NWD2: variants seen among roughly 807,000 people sequenced by gnomAD.
NWD2 encodes the protein NACHT and WD repeat domain-containing protein 2.
A neutral mutation model predicts 132.7 loss-of-function variants in NWD2; 37 were observed. That is an observed-to-expected ratio of 0.28 (90% CI 0.21 to 0.37). The LOEUF is 0.37. NWD2 is among the 10% of genes least tolerant of loss of function. NWD2 has a pLI of 1.00. For synonymous variants in NWD2, 705 were observed against 803.0 expected, an observed-to-expected ratio of 0.88 and a Z score of 2.06; for missense variants, 1,592 against 2,122.4, an observed-to-expected ratio of 0.75 and a Z score of 4.91.
At position 37,444,667 on chromosome 4, in the gene NWD2, C is replaced by T. The variant is rs1712582125; in HGVS notation, c.2679C>T (p.Ala893=). The part of the protein sequence containing the change: ...YSQEKELKFL[A]NTLRSIKNKV... ...AAGAGAAGGAGCTGAAGTTCCTGGC[C>T]AACACCCTCCGCAGCATCAAAAACA... The change falls in exon 7 of 7, where the codon GCC becomes GCT. Residue 893 remains alanine, a synonymous_variant. Transcript: ENST00000309447. The surrounding 1 kb of genome is among the most constrained non-coding windows in gnomAD (Gnocchi z 4.8). The T allele has an allele frequency of 6.4e-7, 1 of 1,552,082 alleles. No individual in the cohort carries two copies. The highest frequency in any genetic ancestry group is 2.0e-5 in the Admixed American group (1 of 50,982).
At chr4:37,336,020 G>C (rs754386488) in intron 2 of NWD2, among the ~76,000 whole-genome samples, 10 of 151,894 alleles carry the variant, frequency 6.6e-5, no homozygotes, top group Non-Finnish European at 1.0e-4. Context: ...AACTAGCCAT[G>C]TTCTAAAAAG....
intron 3 of NWD2, among the ~76,000 whole-genome samples, chr4:37,357,626 C>T (rs1022744892): frequency 2.6e-5 from 4 of 152,032 alleles, no homozygotes; most frequent in Non-Finnish European, 5.9e-5. Context: ...AGGATTCAAC[C>T]TTAGAATTGA....
intron 1 of NWD2, among the ~76,000 whole-genome samples, chr4:37,294,143 A>G (rs147706931): frequency 1.7e-3 from 262 of 152,294 alleles, no homozygotes; most frequent in Non-Finnish European, 2.9e-3. Context: ...AGTTGATGCA[A>G]TAAGACAAAT....
intron 1 of NWD2, among the ~76,000 whole-genome samples, chr4:37,278,525 A>T (rs1408688787): frequency 6.6e-6 from 1 of 152,142 alleles, no homozygotes; most frequent in Non-Finnish European, 1.5e-5. Context: ...CATTAATTGT[A>T]AGTTTTCTTC....
At chr4:37,336,541 T>C (rs966225991) in intron 2 of NWD2, among the ~76,000 whole-genome samples, 1 of 152,222 alleles carries the variant, frequency 6.6e-6, no homozygotes, top group African/African-American at 2.4e-5. Flanking sequence ...GAAGTCCAGC[T>C]GAGAGCCATG....
intron 1 of NWD2, among the ~76,000 whole-genome samples, chr4:37,249,879 G>A (rs1717317269): frequency 6.6e-6 from 1 of 152,112 alleles, no homozygotes; most frequent in Admixed American, 6.5e-5. Flanking sequence ...CCATAGGAAG[G>A]TTTGTTCTCC....
Position 37,445,100 on chromosome 4 carries a change from A to T in NWD2, c.3112A>T (p.Asn1038Tyr). The change falls in exon 7 of 7, where the codon AAT becomes TAT. Residue 1038 changes from asparagine to tyrosine, a missense_variant. Physicochemically the swap from Asn to Tyr is moderately radical, Grantham distance 143 (BLOSUM62 -2). Transcript: ENST00000309447. This position sits in a 1 kb window ranked among gnomAD's most constrained non-coding sequence, Gnocchi z 4.7. Reference sequence around the variant, plus strand: ...AAATAACACCTTGTTGATTTATGACAATGTCAATTCTTGCCTCCTGTCTGA... The same window carrying T: ...AAATAACACCTTGTTGATTTATGACTATGTCAATTCTTGCCTCCTGTCTGA... ...TTNNTLLIYD[N>Y]VNSCLLSEVE... 6.4e-7 allele frequency: 1 copy of T among 1,551,864 alleles called. No individual in the cohort carries two copies. Among genetic ancestry groups the T allele is most frequent in the Non-Finnish European group, 8.7e-7 (1 of 1,147,052 alleles).
intron 3 of NWD2, among the ~76,000 whole-genome samples, chr4:37,416,475 T>G (rs1711601382): frequency 6.6e-6 from 1 of 152,078 alleles, no homozygotes; most frequent in South Asian, 2.1e-4. Context: ...GTGGATGTGG[T>G]GAAAAGGGAA....
At chr4:37,407,694 A>G (rs1577693707) in intron 3 of NWD2, among the ~76,000 whole-genome samples, 1 of 152,254 alleles carries the variant, frequency 6.6e-6, no homozygotes, top group East Asian at 1.9e-4. Flanking sequence ...TGGGAACTAA[A>G]TGTAGACAAA....
chr4:37,302,449 T>C (rs1230305462), intron 1 of NWD2, among the ~76,000 whole-genome samples: 3 of 152,258 alleles, frequency 2.0e-5, no homozygotes, highest in South Asian at 2.1e-4. Context: ...TCTGATATTC[T>C]GATTTCCTTT....
At chr4:37,362,013 A>G (rs999411722) in intron 3 of NWD2, among the ~76,000 whole-genome samples, 2 of 152,164 alleles carry the variant, frequency 1.3e-5, no homozygotes, top group Non-Finnish European at 2.9e-5. Context: ...TAACATTTCT[A>G]TACACCCATA....
At chr4:37,253,913 CT>C (rs565734050) in intron 1 of NWD2, among the ~76,000 whole-genome samples, 6 of 151,970 alleles carry the variant, frequency 3.9e-5, no homozygotes, top group African/African-American at 4.8e-5. Flanking sequence ...TAAGGTTCTT[CT>C]TTTTTTTATC....
At chr4:37,419,842 G>A (rs910493992) in intron 3 of NWD2, among the ~76,000 whole-genome samples, 1 of 152,146 alleles carries the variant, frequency 6.6e-6, no homozygotes, top group African/African-American at 2.4e-5. Flanking sequence ...ATAGAATAAG[G>A]CCAAGATATA....
chr4:37,386,289 A>C (rs927246190), intron 3 of NWD2, among the ~76,000 whole-genome samples: 4 of 149,360 alleles, frequency 2.7e-5, no homozygotes, highest in African/African-American at 9.9e-5. Context: ...CACACACATA[A>C]ATTCCAAACA....
chr4:37,260,916 A>C (rs1717623593), intron 1 of NWD2, among the ~76,000 whole-genome samples: 1 of 152,228 alleles, frequency 6.6e-6, no homozygotes, highest in African/African-American at 2.4e-5. Flanking sequence ...TGAATAGTAG[A>C]GGTTGAAAAT....
At chr4:37,421,651 A>C (rs1347781449) in intron 3 of NWD2, among the ~76,000 whole-genome samples, 1 of 152,360 alleles carries the variant, frequency 6.6e-6, no homozygotes, top group East Asian at 1.9e-4. Context: ...GCATCAGTTT[A>C]GTTATTCTGC....
chr4:37,446,026 C>T lies in NWD2; in HGVS notation c.4038C>T (p.Ser1346=), dbSNP rs1296886199. ...GSDCVHKWNF[S]SGFIEAVFKH... ...ATTGTGTTCATAAGTGGAACTTCAG[C>T]AGTGGCTTCATCGAAGCAGTATTCA... Residue 1346 remains serine, a synonymous_variant, in exon 7 of 7, where the codon AGC becomes AGT. Transcript: ENST00000309447. The surrounding 1 kb of genome is among the most constrained non-coding windows in gnomAD (Gnocchi z 6.7). 51 of 1,551,708 alleles carry T rather than the reference C, an allele frequency of 3.3e-5. No individual in the cohort carries two copies. Among genetic ancestry groups the T allele is most frequent in the Non-Finnish European group, 4.2e-5 (48 of 1,146,986 alleles).
At chr4:37,364,930 G>C (rs530586480) in intron 3 of NWD2, among the ~76,000 whole-genome samples, 5 of 152,164 alleles carry the variant, frequency 3.3e-5, no homozygotes, top group African/African-American at 1.2e-4. Context: ...TTGTTATTCA[G>C]CAAGTTTGTT....
chr4:37,247,671 G>C (rs532290505), intron 1 of NWD2, among the ~76,000 whole-genome samples: 3 of 151,744 alleles, frequency 2.0e-5, no homozygotes, highest in African/African-American at 7.3e-5. Context: ...GTGCAGTGGC[G>C]CAATCTCGGC....
Sources: allele counts gnomAD v4.1 joint callset (sites outside exome capture counted in the v4.1 genomes callset), GRCh38; gene constraint gnomAD v4.1.1; non-coding constraint Gnocchi (gnomAD v3.1); transcripts MANE v1.5; gene names NCBI Gene and HGNC (gene_info 2026-07-23, HGNC 2026-07-21).